The following ZFHX3 variants were observed in gnomAD, a reference collection of about 807,000 sequenced individuals.
ZFHX3 encodes the protein zinc finger homeobox protein 3.
ZFHX3 carries 42 observed loss-of-function variants against 279.1 expected under a neutral mutation model. That is an observed-to-expected ratio of 0.15 (90% CI 0.12 to 0.19). The LOEUF is 0.19. Ranked by LOEUF, ZFHX3 falls within the 10% of genes least tolerant of loss-of-function variation. The pLI, the probability that ZFHX3 is intolerant of heterozygous loss-of-function variation, is 1.00. For missense variants in ZFHX3, 4,981 were observed against 4,754.0 expected (o/e 1.05, Z -1.40); for synonymous variants, 2,293 against 1,957.8 (o/e 1.17, Z -4.52).
chr16:73,038,880 C>G (rs893925463), intron 1 of ZFHX3, among the ~76,000 whole-genome samples: 1 of 152,000 alleles, frequency 6.6e-6, no homozygotes, highest in Non-Finnish European at 1.5e-5. Flanking sequence ...TCAATGCAGC[C>G]TCTACTTCCT....
rs1306681977 is a variant in ZFHX3 at position 73,356,935 on chromosome 16, A to G, written c.-1290-38599T>C. 3.3e-5 allele frequency among the ~76,000 whole-genome samples: 5 copies of G among 151,136 alleles called. No individual in the cohort carries two copies. The East Asian group carries it at 7.8e-4, about 24-fold the overall frequency. On this transcript the variant is annotated intron_variant, in intron 3 of 17. Coordinates refer to the ZFHX3 transcript ENST00000641206. The stretch of plus-strand genomic sequence containing the variant: ...GGTGGGAAGCAGCCGTTAACCAGAG[A>G]CTGACTGGGATTTCCTCCTCCCTCG...
At chr16:73,385,980 G>C (rs1054395805) in intron 3 of ZFHX3, among the ~76,000 whole-genome samples, 2 of 151,994 alleles carry the variant, frequency 1.3e-5, no homozygotes, top group African/African-American at 4.8e-5. Context: ...ACCAAGATGT[G>C]TGAAATGGTG....
At chr16:73,045,494 G>A (rs1182096991) in intron 1 of ZFHX3, among the ~76,000 whole-genome samples, 1 of 152,124 alleles carries the variant, frequency 6.6e-6, no homozygotes, top group Admixed American at 6.5e-5. Context: ...CTGTCCTGGT[G>A]GGAAGAGCCA....
At chr16:73,171,748 T>C (rs954851055) in intron 5 of ZFHX3, among the ~76,000 whole-genome samples, 7 of 152,326 alleles carry the variant, frequency 4.6e-5, no homozygotes, top group African/African-American at 1.2e-4. Flanking sequence ...CTCTTGTTTA[T>C]GGGACCCATT....
intron 4 of ZFHX3, among the ~76,000 whole-genome samples, chr16:72,845,410 TCCATAATGAAGTCATC>T (rs2037453519): frequency 6.6e-6 from 1 of 152,032 alleles, no homozygotes; most frequent in Non-Finnish European, 1.5e-5. Context: ...AATGAAAGGC[TCCATAATGAAGTCATC>T]GCATGCACAG....
intron 2 of ZFHX3, among the ~76,000 whole-genome samples, chr16:73,514,275 A>G (rs2019484018): frequency 6.6e-6 from 1 of 152,060 alleles, no homozygotes; most frequent in African/African-American, 2.4e-5. Context: ...TAAAAGTGAT[A>G]TTGGAGCTAC....
At chr16:73,058,239 TCGGCGG>T (rs1166220874) in intron 1 of ZFHX3, among the ~76,000 whole-genome samples, 1 of 136,194 alleles carries the variant, frequency 7.3e-6, no homozygotes, top group Non-Finnish European at 1.6e-5. Context: ...CGGCCCGGGC[TCGGCGG>T]CGGCGGCGGC....
intron 3 of ZFHX3, among the ~76,000 whole-genome samples, chr16:73,398,095 T>A (rs1597317960): frequency 6.6e-6 from 1 of 152,202 alleles, no homozygotes; most frequent in East Asian, 1.9e-4. Context: ...TCCACCCACC[T>A]AGGCCTCCCA....
intron 3 of ZFHX3, among the ~76,000 whole-genome samples, chr16:73,391,316 A>G (rs2017008913): frequency 6.6e-6 from 1 of 151,996 alleles, no homozygotes; most frequent in South Asian, 2.1e-4. Context: ...TTAGCCAGCC[A>G]TGGTGATGGA....
intron 5 of ZFHX3, among the ~76,000 whole-genome samples, chr16:73,171,989 A>G (rs1415158887): frequency 6.6e-6 from 1 of 152,230 alleles, no homozygotes; most frequent in African/African-American, 2.4e-5. Flanking sequence ...CAATAAAAAA[A>G]TGGGAAAAAA....
Position 73,647,024 on chromosome 16 carries a change from C to CTT in ZFHX3, c.-1547+33154_-1547+33155dup, listed in dbSNP as rs36121781. On this transcript the variant is annotated intron_variant, in intron 2 of 17. Coordinates refer to the ZFHX3 transcript ENST00000641206. ...CTCGTTGTGCCAACCTTTTTTTTTT[C>CTT]TTTTTTTTTTTTTGAGACGGAACTC... Among the ~76,000 whole-genome samples, 174 of 133,872 alleles carry CTT rather than the reference C, an allele frequency of 1.3e-3. 4 individuals carry two copies. Among genetic ancestry groups the CTT allele is most frequent in the Middle Eastern group, 7.6e-3 (2 of 264 alleles). The allele number at this position is 133,872 out of a possible 152,430, so 87.8% of individuals were successfully genotyped here. A position where few individuals can be genotyped will look rare whatever the true frequency, so the allele number is the denominator to read the frequency against.
intron 1 of ZFHX3, among the ~76,000 whole-genome samples, chr16:73,848,645 G>A (rs973843454): frequency 1.3e-5 from 2 of 152,140 alleles, no homozygotes; most frequent in Non-Finnish European, 2.9e-5. Context: ...TTAAATCACA[G>A]GTTCATGGAT....
intron 7 of ZFHX3, chr16:73,093,621 A>G (rs752319220): frequency 6.0e-6 from 3 of 501,824 alleles, no homozygotes; most frequent in South Asian, 4.4e-5. Context: ...AGCACGGAGA[A>G]GGATGAGTGA....
At chr16:73,024,275 G>A (rs1471770735) in intron 1 of ZFHX3, among the ~76,000 whole-genome samples, 1 of 152,142 alleles carries the variant, frequency 6.6e-6, no homozygotes, top group Non-Finnish European at 1.5e-5. Context: ...AAGAAGAGAA[G>A]AGGCAGCCCC....
intron 2 of ZFHX3, among the ~76,000 whole-genome samples, chr16:73,654,862 T>C (rs1597049706): frequency 7.0e-6 from 1 of 142,832 alleles, no homozygotes; most frequent in South Asian, 2.3e-4. Context: ...CACTTTTTTT[T>C]TTTTTTTTTT....
intron 1 of ZFHX3, among the ~76,000 whole-genome samples, chr16:73,729,638 C>A (rs1283444018): frequency 6.6e-6 from 1 of 152,092 alleles, no homozygotes; most frequent in African/African-American, 2.4e-5. Context: ...ATTGGGGAAA[C>A]CCAAACTAAA....
intron 1 of ZFHX3, among the ~76,000 whole-genome samples, chr16:73,027,444 C>G (rs1399122275): frequency 2.0e-5 from 3 of 152,180 alleles, no homozygotes; most frequent in African/African-American, 7.2e-5. Flanking sequence ...GCGGGGTGTT[C>G]AAACTTCTCT....
chr16:73,203,412 CT>C, intron 5 of ZFHX3, among the ~76,000 whole-genome samples: 1 of 152,332 alleles, frequency 6.6e-6, no homozygotes, highest in South Asian at 2.1e-4. Flanking sequence ...CACAATTTGA[CT>C]TGCATTATGG....
chr16:73,308,676 T>C (rs1208428996), intron 4 of ZFHX3, among the ~76,000 whole-genome samples: 1 of 152,166 alleles, frequency 6.6e-6, no homozygotes, highest in Non-Finnish European at 1.5e-5. Context: ...TAAGTAGTGT[T>C]ACAATGGAAC....
Sources: gnomAD v4.1 joint callset for allele counts (sites outside exome capture counted in the v4.1 genomes callset) on GRCh38, gnomAD v4.1.1 for gene constraint, MANE v1.5 for transcripts, NCBI Gene and HGNC (gene_info 2026-07-23, HGNC 2026-07-21) for gene names.